The following RANBP2 variants were observed in gnomAD, a reference collection of about 807,000 sequenced individuals.
The protein encoded by RANBP2 is RAN binding protein 2, also known as E3 SUMO-protein ligase RanBP2.
In RANBP2, 57 loss-of-function variants were observed where a neutral mutation model predicts 303.6. The observed-to-expected ratio is 0.19, with a 90% CI of 0.15 to 0.23. The LOEUF (loss-of-function observed/expected upper bound fraction) is 0.23. Among genes scored for constraint, RANBP2 ranks in the 10% least tolerant of loss-of-function variants. RANBP2 has a pLI of 1.00. For missense variants in RANBP2, 3,138 were observed against 3,780.8 expected, an observed-to-expected ratio of 0.83 and a Z score of 4.46; for synonymous variants, 1,167 against 1,301.5, an observed-to-expected ratio of 0.90 and a Z score of 2.23.
chr2:109,062,422 C>T, the RANBP2 span, among the ~76,000 whole-genome samples: 1 of 152,130 alleles, frequency 6.6e-6, no homozygotes, highest in African/African-American at 2.4e-5. Context: ...GGGGCCTCTT[C>T]CACTAGTTTC....
the RANBP2 span, among the ~76,000 whole-genome samples, chr2:109,013,119 T>C: frequency 6.6e-6 from 1 of 152,218 alleles, no homozygotes; most frequent in African/African-American, 2.4e-5. Flanking sequence ...CAACACTGGC[T>C]CAGCCCAGTG....
At chr2:109,696,654 A>G in the RANBP2 span, among the ~76,000 whole-genome samples, 1 of 152,254 alleles carries the variant, frequency 6.6e-6, no homozygotes, top group Non-Finnish European at 1.5e-5. Context: ...ATGCAAGCTT[A>G]AGTTTAAAAA....
At chr2:109,282,059 A>T in the RANBP2 span, among the ~76,000 whole-genome samples, 1 of 152,000 alleles carries the variant, frequency 6.6e-6, no homozygotes, top group Non-Finnish European at 1.5e-5. Flanking sequence ...TGCTGGTGGG[A>T]TATGAGTGGG....
the RANBP2 span, among the ~76,000 whole-genome samples, chr2:108,846,222 A>G: frequency 6.6e-6 from 1 of 152,216 alleles, no homozygotes; most frequent in Non-Finnish European, 1.5e-5. Flanking sequence ...TGTGTCAGAA[A>G]TATAGCATGA....
the RANBP2 span, among the ~76,000 whole-genome samples, chr2:109,117,752 G>C: frequency 6.6e-6 from 1 of 152,220 alleles, no homozygotes; most frequent in Non-Finnish European, 1.5e-5. Flanking sequence ...CTGTAGACGG[G>C]AGCTGTTCCT....
chr2:109,078,764 C>T, the RANBP2 span, among the ~76,000 whole-genome samples: 101,741 of 146,620 alleles, frequency 0.69, 39,181 homozygotes, highest in Non-Finnish European at 0.87. Flanking sequence ...GGGCAGATCA[C>T]GAGGTCAGGA....
chr2:109,046,956 T>G, the RANBP2 span, among the ~76,000 whole-genome samples: 1 of 152,034 alleles, frequency 6.6e-6, no homozygotes, highest in Non-Finnish European at 1.5e-5. Context: ...GTCCTCTTGG[T>G]TCTGTCAGCA....
At chr2:109,558,548 T>C in the RANBP2 span, among the ~76,000 whole-genome samples, 1 of 152,200 alleles carries the variant, frequency 6.6e-6, no homozygotes, top group Admixed American at 6.5e-5. Flanking sequence ...TTTCCAATGG[T>C]TGAAATAATT....
intron 15 of RANBP2, among the ~76,000 whole-genome samples, chr2:108,754,354 A>C (rs571484433): frequency 1.3e-5 from 2 of 151,530 alleles, no homozygotes; most frequent in Non-Finnish European, 2.9e-5. Context: ...TCTCATCCTC[A>C]TCAGCCATTG....
the RANBP2 span, among the ~76,000 whole-genome samples, chr2:109,621,254 G>A: frequency 6.6e-6 from 1 of 152,130 alleles, no homozygotes; most frequent in Non-Finnish European, 1.5e-5. Context: ...TCCGGTTCAA[G>A]CGATTTCCCT....
At chr2:109,501,789 C>T in the RANBP2 span, 38 of 624,742 alleles carry the variant, frequency 6.1e-5, 1 homozygote, top group South Asian at 4.6e-4. Flanking sequence ...AGGCACCTGG[C>T]GGGGGATACC....
At chr2:109,305,238 C>A in the RANBP2 span, among the ~76,000 whole-genome samples, 1 of 152,274 alleles carries the variant, frequency 6.6e-6, no homozygotes, top group East Asian at 1.9e-4. Flanking sequence ...AACCTGCTGA[C>A]GGTTTCCCCC....
the RANBP2 span, among the ~76,000 whole-genome samples, chr2:109,597,546 G>A: frequency 6.6e-6 from 1 of 151,436 alleles, no homozygotes; most frequent in Non-Finnish European, 1.5e-5. Context: ...AGGGGGTAAG[G>A]AGACTAACCA....
At chr2:109,044,315 T>C in the RANBP2 span, among the ~76,000 whole-genome samples, 6 of 152,010 alleles carry the variant, frequency 3.9e-5, no homozygotes, top group Admixed American at 2.0e-4. Context: ...GGTCAAGAGA[T>C]TGAGACCGTC....
At chr2:108,822,732 G>A in the RANBP2 span, among the ~76,000 whole-genome samples, 1 of 152,154 alleles carries the variant, frequency 6.6e-6, no homozygotes, top group African/African-American at 2.4e-5. Flanking sequence ...AGGAAAATTG[G>A]CAAATACCTT....
the RANBP2 span, among the ~76,000 whole-genome samples, chr2:109,577,953 A>G: frequency 6.6e-6 from 1 of 151,642 alleles, no homozygotes; most frequent in Admixed American, 6.6e-5. Flanking sequence ...ATATAATAGC[A>G]ATCAGGAGAA....
the RANBP2 span, among the ~76,000 whole-genome samples, chr2:109,440,001 C>T: frequency 6.6e-6 from 1 of 152,080 alleles, no homozygotes; most frequent in Admixed American, 6.6e-5. Flanking sequence ...GGTGATAATG[C>T]CTTGAATCTT....
chr2:109,413,434 C>T, the RANBP2 span, among the ~76,000 whole-genome samples: 160 of 152,316 alleles, frequency 1.1e-3, no homozygotes, highest in Middle Eastern at 6.8e-3. Context: ...TTTTAGGATT[C>T]ATTCTTAACA....
chr2:109,046,236 G>T, the RANBP2 span, among the ~76,000 whole-genome samples: 1 of 149,678 alleles, frequency 6.7e-6, no homozygotes, highest in Non-Finnish European at 1.5e-5. Context: ...CCCGGGAGGC[G>T]AAGGTTGCAG....
Sources: gnomAD v4.1 joint callset for allele counts (sites outside exome capture counted in the v4.1 genomes callset) on GRCh38, gnomAD v4.1.1 for gene constraint, MANE v1.5 for transcripts, NCBI Gene and HGNC (gene_info 2026-07-23, HGNC 2026-07-21) for gene names.